PPP3R1: variants seen among roughly 807,000 people sequenced by gnomAD.
PPP3R1 encodes the protein protein phosphatase 3 regulatory subunit B, alpha, also known as calcineurin subunit B type 1.
Under a neutral mutation model 22.6 loss-of-function variants are expected in PPP3R1, and 5 were observed. The observed-to-expected ratio is 0.22, with a 90% CI of 0.12 to 0.46. The LOEUF is 0.46. Among genes scored for constraint, PPP3R1 ranks in the 20% least tolerant of loss-of-function variants. The probability of loss-of-function intolerance (pLI) is 0.99; values close to 1 mark genes in which losing one functional copy is unlikely to be tolerated. For synonymous variants in PPP3R1, 56 were observed against 65.2 expected (o/e 0.86, Z 0.68); for missense variants, 61 against 203.2 (o/e 0.30, Z 4.25).
chr2:68,209,811 C>CA (rs1170986626), intron 2 of PPP3R1, among the ~76,000 whole-genome samples: 33 of 152,098 alleles, frequency 2.2e-4, no homozygotes, highest in African/African-American at 8.0e-4. Context: ...ACAACAACAA[C>CA]AAAAAAGCCC....
At chr2:68,232,257 GTGTGTGTGTATATATA>G (rs1237960971) in intron 1 of PPP3R1, among the ~76,000 whole-genome samples, 157 of 77,134 alleles carry the variant, frequency 2.0e-3, no homozygotes, top group African/African-American at 0.01. Flanking sequence ...GTGTGTGTGT[GTGTGTGTGTATATATA>G]TATACACACA....
At chr2:68,182,842 T>G (rs970412277) in intron 5 of PPP3R1, among the ~76,000 whole-genome samples, 1 of 151,886 alleles carries the variant, frequency 6.6e-6, no homozygotes, top group Non-Finnish European at 1.5e-5. Context: ...GGTACACAGT[T>G]AATTCCTTTG....
Position 68,180,816 on chromosome 2 carries a change from G to T in PPP3R1, c.*147C>A. On this transcript the variant is annotated 3_prime_UTR_variant, in exon 6 of 6. Transcript: ENST00000234310. ...ATTACAGTTCAATAACACTTAGTTG[G>T]CTTCATGAGGCTCATGTTGGAAAAT... The T allele has an allele frequency of 1.3e-6, 1 of 746,546 alleles. No homozygotes were observed. The highest frequency in any genetic ancestry group is 2.2e-6 in the Non-Finnish European group (1 of 451,194). The allele number at this position is 746,546 out of a possible 1,614,324, so 46.2% of individuals were successfully genotyped here.
At chr2:68,229,881 T>G (rs975136965) in intron 1 of PPP3R1, among the ~76,000 whole-genome samples, 6 of 151,960 alleles carry the variant, frequency 3.9e-5, no homozygotes, top group Admixed American at 6.5e-5. Context: ...TGTGTATGTA[T>G]GTGTGTATAT....
chr2:68,243,753 A>T (rs1670177786), intron 1 of PPP3R1, among the ~76,000 whole-genome samples: 1 of 152,188 alleles, frequency 6.6e-6, no homozygotes, highest in African/African-American at 2.4e-5. Flanking sequence ...CATTTAAAAT[A>T]CCATTAAAAC....
intron 1 of PPP3R1, among the ~76,000 whole-genome samples, chr2:68,246,549 C>T (rs572829606): frequency 1.4e-4 from 21 of 152,304 alleles, no homozygotes; most frequent in African/African-American, 4.3e-4. Flanking sequence ...CAAAACTCTC[C>T]TGTTATCTCC....
intron 1 of PPP3R1, among the ~76,000 whole-genome samples, chr2:68,241,495 G>A (rs1034907041): frequency 2.0e-5 from 3 of 152,156 alleles, no homozygotes; most frequent in Non-Finnish European, 2.9e-5. Flanking sequence ...ATAAATGGCA[G>A]AGCCAGAATC....
intron 1 of PPP3R1, among the ~76,000 whole-genome samples, chr2:68,229,967 CACACAT>C (rs1449902285): frequency 0.014 from 926 of 66,920 alleles, 10 homozygotes; most frequent in African/African-American, 0.068. Flanking sequence ...TGTATATATA[CACACAT>C]ACACACACAC....
intron 4 of PPP3R1, 49 bp downstream of exon 4, chr2:68,187,206 G>A (rs781005852): frequency 7.2e-7 from 1 of 1,387,982 alleles, no homozygotes; most frequent in East Asian, 2.3e-5. Flanking sequence ...AATACAGTAT[G>A]AAATGATGGT....
chr2:68,241,947 T>G (rs1670145758), intron 1 of PPP3R1, among the ~76,000 whole-genome samples: 1 of 151,792 alleles, frequency 6.6e-6, no homozygotes, highest in Non-Finnish European at 1.5e-5. Flanking sequence ...TCTGCCACAA[T>G]GGATACATTC....
intron 1 of PPP3R1, among the ~76,000 whole-genome samples, chr2:68,242,046 T>A (rs553705520): frequency 6.6e-6 from 1 of 152,308 alleles, no homozygotes; most frequent in South Asian, 2.1e-4. Flanking sequence ...TTTACACTTT[T>A]ACTTAACTTT....
At chr2:68,186,753 G>C in intron 4 of PPP3R1, 101 bp from the exon 5 acceptor site, 1 of 1,077,746 alleles carries the variant, frequency 9.3e-7, no homozygotes, top group Non-Finnish European at 1.3e-6. Flanking sequence ...TCAAAATTAT[G>C]ACTATGAGGA....
intron 1 of PPP3R1, among the ~76,000 whole-genome samples, chr2:68,231,136 T>C (rs1669888643): frequency 6.6e-6 from 1 of 152,200 alleles, no homozygotes; most frequent in East Asian, 1.9e-4. Context: ...AATCTTTTTA[T>C]AGACTCATGG....
intron 5 of PPP3R1, among the ~76,000 whole-genome samples, chr2:68,183,661 C>G (rs760842798): frequency 6.6e-6 from 1 of 152,298 alleles, no homozygotes; most frequent in African/African-American, 2.4e-5. Flanking sequence ...ATTCAATATA[C>G]AATATCCCCA....
chr2:68,249,047 C>T (rs1670287953), intron 1 of PPP3R1, among the ~76,000 whole-genome samples: 1 of 152,200 alleles, frequency 6.6e-6, no homozygotes, highest in African/African-American at 2.4e-5. Context: ...TTGCTTGCCC[C>T]AGACTCCAGG....
chr2:68,250,180 G>A (rs140313516), intron 1 of PPP3R1, among the ~76,000 whole-genome samples: 230 of 151,390 alleles, frequency 1.5e-3, no homozygotes, highest in South Asian at 9.1e-3. Flanking sequence ...AGTTGAATTA[G>A]GAAATAAATA....
At chr2:68,232,229 G>A (rs375413951) in intron 1 of PPP3R1, among the ~76,000 whole-genome samples, 30,101 of 77,240 alleles carry the variant, frequency 0.39, 4,075 homozygotes, top group African/African-American at 0.55. Context: ...ATATATGTGT[G>A]TGTGTGTGTG....
At chr2:68,215,001 G>T (rs1319546108) in intron 2 of PPP3R1, among the ~76,000 whole-genome samples, 1 of 152,016 alleles carries the variant, frequency 6.6e-6, no homozygotes, top group African/African-American at 2.4e-5. Context: ...GGATGCAGCC[G>T]GAAACCATTA....
At chr2:68,207,488 C>T (rs1675153684) in intron 2 of PPP3R1, among the ~76,000 whole-genome samples, 1 of 152,138 alleles carries the variant, frequency 6.6e-6, no homozygotes, top group Admixed American at 6.5e-5. Context: ...AAATAAAAAA[C>T]CATGACTTTT....
Sources: gnomAD v4.1 joint callset for allele counts (sites outside exome capture counted in the v4.1 genomes callset) on GRCh38, gnomAD v4.1.1 for gene constraint, MANE v1.5 for transcripts, NCBI Gene and HGNC (gene_info 2026-07-23, HGNC 2026-07-21) for gene names.